EPHA5: variants seen among roughly 807,000 people sequenced by gnomAD.
EPHA5 encodes the protein ephrin type-A receptor 5.
Under a neutral mutation model 105.0 loss-of-function variants are expected in EPHA5, and 60 were observed. The ratio of observed to expected loss-of-function variants is 0.57; its 90% CI spans 0.46 to 0.71. The LOEUF (loss-of-function observed/expected upper bound fraction) is 0.71. Ranked by LOEUF, EPHA5 falls within the 30% of genes least tolerant of loss-of-function variation. EPHA5 has a pLI of 0.00. For synonymous variants in EPHA5, 513 were observed against 449.1 expected (o/e 1.14, Z -1.80); for missense variants, 1,218 against 1,274.7 (o/e 0.96, Z 0.68).
chr4:65,328,885 A>G (rs1332684040), intron 16 of EPHA5, among the ~76,000 whole-genome samples: 1 of 151,142 alleles, frequency 6.6e-6, no homozygotes, highest in Non-Finnish European at 1.5e-5. Context: ...TATTTCAATT[A>G]ATCTGTAAAG....
intron 6 of EPHA5, among the ~76,000 whole-genome samples, chr4:65,415,656 C>T (rs1223840841): frequency 6.6e-6 from 1 of 151,864 alleles, no homozygotes; most frequent in Non-Finnish European, 1.5e-5. Context: ...TTTTAAACTG[C>T]AAATTAATTT....
At chr4:65,407,066 C>A (rs529096093) in intron 7 of EPHA5, among the ~76,000 whole-genome samples, 1 of 152,144 alleles carries the variant, frequency 6.6e-6, no homozygotes, top group East Asian at 1.9e-4. Flanking sequence ...TGGTTCATAG[C>A]ATTTTAACTG....
chr4:65,495,391 T>C lies in EPHA5; in HGVS notation c.1063A>G (p.Thr355Ala), dbSNP rs780101856. 6.2e-7 allele frequency: 1 copy of C among 1,611,912 alleles called. No individual in the cohort carries two copies. The highest frequency in any genetic ancestry group is 8.5e-7 in the Non-Finnish European group (1 of 1,179,178). Residue 355 changes from threonine to alanine, a missense_variant, in exon 4 of 17, where the codon ACA (threonine) becomes GCA (alanine). This residue lies in a region of EPHA5 where 971 missense variants were observed against 1,013.5 expected (regional missense o/e 0.96). Coordinates refer to ENST00000613740, the MANE Select transcript of EPHA5 (RefSeq NM_001281766.3). The stretch of plus-strand genomic sequence containing the variant: ...AAATATCCGTGGGTTTCCTTACTTG[T>C]GCATGCCATTGTGGGTGGATCAGAC... ...RESDPPTMAC[T>A]RPPSAPRNAI...
At chr4:65,349,243 G>A (rs1722588375) in intron 13 of EPHA5, among the ~76,000 whole-genome samples, 1 of 151,876 alleles carries the variant, frequency 6.6e-6, no homozygotes, top group South Asian at 2.1e-4. Flanking sequence ...TTAAGAGGAG[G>A]GTGTCTTGTT....
chr4:65,472,110 C>G (rs56170649), intron 5 of EPHA5, among the ~76,000 whole-genome samples: 2,541 of 152,250 alleles, frequency 0.017, 77 homozygotes, highest in African/African-American at 0.058. Context: ...GATACATGCT[C>G]TCATTCCAAA....
intron 13 of EPHA5, among the ~76,000 whole-genome samples, chr4:65,350,972 A>G (rs1722755943): frequency 6.6e-6 from 1 of 151,964 alleles, no homozygotes; most frequent in African/African-American, 2.4e-5. Context: ...AAACTACCCA[A>G]TAATATTATA....
chr4:65,386,005 C>T (rs1007482516), intron 8 of EPHA5, among the ~76,000 whole-genome samples: 1 of 151,794 alleles, frequency 6.6e-6, no homozygotes, highest in African/African-American at 2.4e-5. Context: ...AGAGTGAAAA[C>T]CACTGCTGAG....
intron 3 of EPHA5, among the ~76,000 whole-genome samples, chr4:65,574,566 G>A (rs1430086108): frequency 1.4e-5 from 2 of 143,732 alleles, no homozygotes; most frequent in Non-Finnish European, 3.0e-5. Context: ...TAAATAAATT[G>A]CCAGAATAAA....
chr4:65,596,765 G>T (rs997119981), intron 3 of EPHA5, among the ~76,000 whole-genome samples: 1 of 151,736 alleles, frequency 6.6e-6, no homozygotes, highest in Non-Finnish European at 1.5e-5. Flanking sequence ...GCCATCATTT[G>T]TTCAAATTTT....
chr4:65,350,188 A>T (rs1722680238), intron 13 of EPHA5, among the ~76,000 whole-genome samples: 1 of 152,122 alleles, frequency 6.6e-6, no homozygotes, highest in Non-Finnish European at 1.5e-5. Flanking sequence ...TCCCAAAAGA[A>T]TTCTTAATTG....
intron 5 of EPHA5, among the ~76,000 whole-genome samples, chr4:65,435,829 A>G (rs182054082): frequency 1.3e-3 from 194 of 152,194 alleles, no homozygotes; most frequent in African/African-American, 4.5e-3. Context: ...CACTGGAAAA[A>G]AAAATCCATC....
intron 3 of EPHA5, among the ~76,000 whole-genome samples, chr4:65,526,139 G>A (rs1735207694): frequency 6.6e-6 from 1 of 151,816 alleles, no homozygotes; most frequent in Non-Finnish European, 1.5e-5. Flanking sequence ...TATCAAATCA[G>A]ATAAATTGAT....
intron 14 of EPHA5, among the ~76,000 whole-genome samples, chr4:65,346,131 A>G (rs1168024775): frequency 2.7e-5 from 4 of 148,508 alleles, no homozygotes; most frequent in Admixed American, 1.3e-4. Context: ...AAAGTTAAAC[A>G]TTTTTTCATA....
intron 2 of EPHA5, among the ~76,000 whole-genome samples, chr4:65,630,156 A>C (rs1466812867): frequency 2.0e-5 from 3 of 151,640 alleles, no homozygotes; most frequent in Non-Finnish European, 1.5e-5. Context: ...GTTAGTAACT[A>C]TCTCTCTAAA....
chr4:65,491,746 A>T (rs1328167849), intron 4 of EPHA5, among the ~76,000 whole-genome samples: 2 of 152,058 alleles, frequency 1.3e-5, no homozygotes, highest in Non-Finnish European at 2.9e-5. Context: ...CATGATCAGA[A>T]TTGCTTTATG....
intron 5 of EPHA5, among the ~76,000 whole-genome samples, chr4:65,463,004 A>G (rs941205771): frequency 3.9e-5 from 6 of 152,220 alleles, no homozygotes; most frequent in Non-Finnish European, 8.8e-5. Context: ...TCTTCAGAAT[A>G]TAACTTAAGC....
intron 3 of EPHA5, among the ~76,000 whole-genome samples, chr4:65,590,016 G>T (rs1742485233): frequency 6.6e-6 from 1 of 152,140 alleles, no homozygotes; most frequent in Non-Finnish European, 1.5e-5. Context: ...ATATGGAGTA[G>T]TGTATTGTGA....
Position 65,331,382 on chromosome 4 carries a change from G to A in EPHA5, c.2945+591C>T. On this transcript the variant is annotated intron_variant, in intron 16 of 16. Coordinates refer to ENST00000613740, the MANE Select transcript of EPHA5 (RefSeq NM_001281766.3). ...GTTTGATAAATTTTATCTTAAACGT[G>A]CAAACAGAAAAGGGCACAATTGGTT... is the stretch of plus-strand genomic sequence containing the variant. The A allele has an allele frequency of 2.9e-6, 3 of 1,042,278 alleles. No homozygotes were observed. In the South Asian group the frequency reaches 1.4e-4, roughly 48 times the overall value. 64.6% of individuals were successfully genotyped at this position (1,042,278 alleles called of 1,614,324 possible).
intron 3 of EPHA5, among the ~76,000 whole-genome samples, chr4:65,577,813 A>G (rs1741210999): frequency 6.6e-6 from 1 of 152,134 alleles, no homozygotes; most frequent in African/African-American, 2.4e-5. Context: ...TCAGAGGGAA[A>G]GTATGTACTT....
Sources: allele counts gnomAD v4.1 joint callset (sites outside exome capture counted in the v4.1 genomes callset), GRCh38; gene constraint gnomAD v4.1.1; regional missense constraint gnomAD v4.1.1; transcripts MANE v1.5; gene names NCBI Gene and HGNC (gene_info 2026-07-23, HGNC 2026-07-21).